The following ATP5MJ variants were observed in gnomAD, a reference collection of about 807,000 sequenced individuals.
ATP5MJ encodes the protein ATP synthase F(0) complex subunit j, mitochondrial.
ATP5MJ carries 4 observed loss-of-function variants against 8.3 expected under a neutral mutation model. That is an observed-to-expected ratio of 0.48 (90% confidence interval 0.24 to 1.11). The LOEUF is 1.11. ATP5MJ is among the 50% of genes least tolerant of loss of function. The pLI is 0.18. For synonymous variants in ATP5MJ, 23 were observed against 21.3 expected, an observed-to-expected ratio of 1.08 and a Z score of -0.23; for missense variants, 66 against 71.8, an observed-to-expected ratio of 0.92 and a Z score of 0.29.
intron 2 of ATP5MJ, chr14:103,914,858 G>GTAAAAAAAAAAAAAAAAAAGAAAAAAAAA (rs2087612164): frequency 3.2e-6 from 1 of 310,376 alleles, no homozygotes; most frequent in Non-Finnish European, 5.3e-6. Flanking sequence ...AAAAAAAAAA[G>GTAAAAAAAAAAAAAAAAAAGAAAAAAAAA]AAAAGAAAAG....
chr14:103,918,188 G>A (rs1310554897), intron 1 of ATP5MJ: 1 of 152,286 alleles, frequency 6.6e-6, no homozygotes, highest in Non-Finnish European at 1.5e-5. Flanking sequence ...GGAAGCCCCA[G>A]ACTAGGAGTT....
chr14:103,914,999 A>C, intron 2 of ATP5MJ, 67 bp downstream of exon 2: 2 of 1,600,464 alleles, frequency 1.2e-6, no homozygotes, highest in Non-Finnish European at 1.7e-6. Flanking sequence ...TTACAATGTG[A>C]ATTGTGATTC....
rs1333348562 is a variant in ATP5MJ at position 103,921,473 on chromosome 14, G to A, written c.-4C>T. On this transcript the variant is annotated 5_prime_UTR_variant, in exon 1 of 4. Transcript: ENST00000286953. Reference sequence around the variant, plus strand: ...AGGTCCAGGTCCCCGTACTCACCTTGGCGCAGGACAGACGGCTCAGAACGC... The same window carrying A: ...AGGTCCAGGTCCCCGTACTCACCTTAGCGCAGGACAGACGGCTCAGAACGC... 1 of 191,930 alleles carries A rather than the reference G, an allele frequency of 5.2e-6. No individual in the cohort carries two copies. The highest frequency in any genetic ancestry group is 2.3e-5 in the African/African-American group (1 of 43,226). The allele number at this position is 191,930 out of a possible 1,614,324, so 11.9% of individuals were successfully genotyped here.
At chr14:103,915,638 G>C (rs907156877) in intron 1 of ATP5MJ, among the ~76,000 whole-genome samples, 4 of 150,516 alleles carry the variant, frequency 2.7e-5, no homozygotes, top group African/African-American at 7.4e-5. Context: ...GTGAGCCACT[G>C]TGCCTGGCCA....
At chr14:103,917,532 G>C (rs770488072) in intron 1 of ATP5MJ, among the ~76,000 whole-genome samples, 7 of 151,946 alleles carry the variant, frequency 4.6e-5, no homozygotes, top group Admixed American at 1.3e-4. Flanking sequence ...TTAGAATCTG[G>C]AACTGGCCTG....
intron 3 of ATP5MJ, 24 bp downstream of exon 3, chr14:103,913,937 C>G (rs1205442603): frequency 1.2e-6 from 2 of 1,610,702 alleles, no homozygotes; most frequent in Non-Finnish European, 1.7e-6. Flanking sequence ...CATTCCCAAC[C>G]ATTTTCAGAA....
In ATP5MJ at chr14:103,912,544, C is replaced by T. The variant is rs1595876722; in HGVS notation, c.*122G>A. 11 of 1,012,232 alleles carry T rather than the reference C, an allele frequency of 1.1e-5. No individual in the cohort carries two copies. In the East Asian group the frequency reaches 2.1e-4, roughly 20 times the overall value. The allele number at this position is 1,012,232 out of a possible 1,614,324, so 62.7% of individuals were successfully genotyped here. A position where few individuals can be genotyped will look rare whatever the true frequency, so the allele number is the denominator to read the frequency against. On this transcript the variant is annotated 3_prime_UTR_variant, in exon 4 of 4. Transcript: ENST00000286953. The stretch of plus-strand genomic sequence containing the variant: ...ATCTCACAGATCCATTTATTCATGC[C>T]ATGAAGTAAACGGTACTTATACAAG...
intron 3 of ATP5MJ, chr14:103,913,301 C>T (rs1323276514): frequency 1.3e-5 from 2 of 152,210 alleles, no homozygotes; most frequent in Admixed American, 1.3e-4. Flanking sequence ...GCCTGGGCAA[C>T]ACAGCGAGAC....
chr14:103,921,046 T>A, intron 1 of ATP5MJ: 1 of 1,551,504 alleles, frequency 6.4e-7, no homozygotes, highest in South Asian at 1.2e-5. Flanking sequence ...AGTTGTCATG[T>A]ACAGCATAAC....
At chr14:103,915,295 G>T (rs1340395398) in intron 1 of ATP5MJ, 106 bp from the exon 2 acceptor site, 5 of 1,326,520 alleles carry the variant, frequency 3.8e-6, no homozygotes, top group Non-Finnish European at 5.2e-6. Context: ...ATGACTGCTA[G>T]GGAGCCTCGC....
intron 1 of ATP5MJ, among the ~76,000 whole-genome samples, chr14:103,919,775 T>G (rs975538105): frequency 2.6e-5 from 4 of 152,128 alleles, no homozygotes; most frequent in Non-Finnish European, 5.9e-5. Context: ...TTGACTTCAG[T>G]TGCCATATTT....
At chr14:103,914,094 G>A (rs2152107109) in intron 2 of ATP5MJ, 110 bp from the exon 3 acceptor site, 1 of 1,007,574 alleles carries the variant, frequency 9.9e-7, no homozygotes, top group South Asian at 1.7e-5. Context: ...AAGCAATTCA[G>A]GAAGCTTTCA....
chr14:103,916,184 A>G (rs1483993795), intron 1 of ATP5MJ, among the ~76,000 whole-genome samples: 1 of 152,222 alleles, frequency 6.6e-6, no homozygotes, highest in African/African-American at 2.4e-5. Context: ...TATTTAATCA[A>G]TAAAGGTAGT....
At chr14:103,920,185 C>T (rs1395892441) in intron 1 of ATP5MJ, among the ~76,000 whole-genome samples, 3 of 129,790 alleles carry the variant, frequency 2.3e-5, no homozygotes, top group African/African-American at 5.9e-5. Context: ...AATGCAGTGA[C>T]GCGATCTCGG....
At position 103,912,495 on chromosome 14, in the gene ATP5MJ, G is replaced by T. The variant is rs2087588035; in HGVS notation, c.*171C>A. ...CGGAGGGGCTGAGGGGGAACACACT[G>T]AAAGCAGTACCAGGTAGCAGTGCAT... On this transcript the variant is annotated 3_prime_UTR_variant, in exon 4 of 4. Coordinates refer to ENST00000286953, the MANE Select transcript of ATP5MJ (RefSeq NM_004894.3). 1.4e-6 allele frequency: 1 copy of T among 710,874 alleles called. No homozygotes were observed. The allele number at this position is 710,874 out of a possible 1,614,324, so 44.0% of individuals were successfully genotyped here. A position where few individuals can be genotyped will look rare whatever the true frequency, so the allele number is the denominator to read the frequency against.
intron 1 of ATP5MJ, among the ~76,000 whole-genome samples, chr14:103,920,500 T>C (rs948741252): frequency 4.1e-5 from 5 of 122,508 alleles, no homozygotes; most frequent in African/African-American, 1.6e-4. Flanking sequence ...TAAGACGGAG[T>C]TTCACTCGGT....
At chr14:103,915,037 T>G (rs530829960) in intron 2 of ATP5MJ, 29 bp downstream of exon 2, 1 of 1,613,272 alleles carries the variant, frequency 6.2e-7, no homozygotes, top group African/African-American at 1.3e-5. Context: ...CTTCCTGACC[T>G]CAGAAAAATC....
rs543656015 is a variant in ATP5MJ at position 103,912,914 on chromosome 14, A to G, written c.149-220T>C. On this transcript the variant is annotated intron_variant, in intron 3 of 3. Transcript: ENST00000286953. ...ACAGGCAGTGGTCACCCACAGCGCA[A>G]AGAGAGAGGCAGGGAAACACCTCCT... The G allele has an allele frequency of 3.7e-4, 206 of 556,382 alleles. 1 individual carries two copies. The South Asian group carries it at 4.8e-3, about 13-fold the overall frequency. The allele number at this position is 556,382 out of a possible 1,614,324, so 34.5% of individuals were successfully genotyped here.
chr14:103,916,794 C>T (rs2087629272), intron 1 of ATP5MJ, among the ~76,000 whole-genome samples: 1 of 152,108 alleles, frequency 6.6e-6, no homozygotes, highest in African/African-American at 2.4e-5. Context: ...AATGCTGCCT[C>T]CACCCCTCCC....
Sources: gnomAD v4.1 joint callset for allele counts (sites outside exome capture counted in the v4.1 genomes callset) on GRCh38, gnomAD v4.1.1 for gene constraint, MANE v1.5 for transcripts, NCBI Gene and HGNC (gene_info 2026-07-23, HGNC 2026-07-21) for gene names.